Variants in SLCO6A1 observed in about 807,000 individuals in gnomAD.
SLCO6A1 encodes solute carrier organic anion transporter family member 6A1.
In SLCO6A1, 65 loss-of-function variants were observed where a neutral mutation model predicts 72.7. That is an observed-to-expected ratio of 0.89 (90% CI 0.73 to 1.10). SLCO6A1 has a LOEUF of 1.10. Among genes scored for constraint, SLCO6A1 ranks in the 50% least tolerant of loss-of-function variants. The probability of loss-of-function intolerance (pLI) is 0.00; values close to 1 mark genes in which losing one functional copy is unlikely to be tolerated. For synonymous variants in SLCO6A1, 314 were observed against 298.2 expected (o/e 1.05, Z -0.55); for missense variants, 874 against 872.6 (o/e 1.00, Z -0.02).
chr5:102,391,908 AAAG>A, intron 10 of SLCO6A1, among the ~76,000 whole-genome samples: 1 of 152,284 alleles, frequency 6.6e-6, no homozygotes, highest in East Asian at 1.9e-4. Context: ...TTTGTTTAAA[AAAG>A]AAAAAAATGT....
intron 7 of SLCO6A1, among the ~76,000 whole-genome samples, chr5:102,428,824 T>C (rs1313731346): frequency 6.6e-6 from 1 of 152,216 alleles, no homozygotes; most frequent in Non-Finnish European, 1.5e-5. Flanking sequence ...AGTAATGAGA[T>C]TGCTGCATCA....
chr5:102,462,960 G>C (rs937592414), intron 4 of SLCO6A1, among the ~76,000 whole-genome samples: 5 of 152,116 alleles, frequency 3.3e-5, no homozygotes, highest in African/African-American at 9.7e-5. Context: ...CACAGCAAAA[G>C]AAATAATCAG....
chr5:102,475,305 C>T (rs1025345753), intron 4 of SLCO6A1, among the ~76,000 whole-genome samples: 2 of 151,972 alleles, frequency 1.3e-5, no homozygotes, highest in African/African-American at 4.8e-5. Flanking sequence ...ATGCATGAAA[C>T]TTCAAAATAT....
In SLCO6A1 at chr5:102,450,742, GTA is replaced by G. The variant is rs530057631; in HGVS notation, c.1131+7638_1131+7639del. ...CCACTCCAGAGAAGCACACCAATTG[GTA>G]TGATTAGCCCAGGGTGAAGCACCTG... On this transcript the variant is annotated intron_variant, in intron 6 of 13. Transcript: ENST00000506729. Among the ~76,000 whole-genome samples the G allele has an allele frequency of 8.3e-3, 1,257 of 152,326 alleles. 11 individuals carry two copies. The highest frequency in any genetic ancestry group is 0.015 in the Non-Finnish European group (1,007 of 68,024).
chr5:102,372,825 T>C (rs1480483179), intron 13 of SLCO6A1, among the ~76,000 whole-genome samples: 4 of 151,936 alleles, frequency 2.6e-5, no homozygotes, highest in Admixed American at 2.0e-4. Context: ...AGGAAACCTC[T>C]GTATGTCAAA....
intron 10 of SLCO6A1, among the ~76,000 whole-genome samples, chr5:102,391,398 T>C (rs1332248634): frequency 6.6e-6 from 1 of 152,152 alleles, no homozygotes; most frequent in African/African-American, 2.4e-5. Context: ...AGAGTTCTTT[T>C]TGCCCCTGTG....
At chr5:102,445,887 C>G (rs144215541) in intron 6 of SLCO6A1, among the ~76,000 whole-genome samples, 58 of 152,088 alleles carry the variant, frequency 3.8e-4, no homozygotes, top group African/African-American at 1.3e-3. Flanking sequence ...TAGGTGTGCA[C>G]CTTTATTTCT....
At chr5:102,415,142 A>G (rs760489217) in intron 8 of SLCO6A1, among the ~76,000 whole-genome samples, 6 of 152,228 alleles carry the variant, frequency 3.9e-5, no homozygotes, top group Admixed American at 1.3e-4. Flanking sequence ...TGCCCAAAGC[A>G]ATCTACATAT....
At chr5:102,429,083 T>A (rs562004735) in intron 7 of SLCO6A1, among the ~76,000 whole-genome samples, 1 of 152,190 alleles carries the variant, frequency 6.6e-6, no homozygotes, top group Non-Finnish European at 1.5e-5. Flanking sequence ...GTTGGCCACA[T>A]GTCTTCTTTT....
intron 10 of SLCO6A1, among the ~76,000 whole-genome samples, chr5:102,398,823 G>A (rs1158797580): frequency 6.6e-6 from 1 of 151,732 alleles, no homozygotes; most frequent in East Asian, 1.9e-4. Context: ...CTTGTCCCCC[G>A]CCTGCTTGTA....
At chr5:102,454,270 G>A (rs537643732) in intron 6 of SLCO6A1, among the ~76,000 whole-genome samples, 6 of 152,280 alleles carry the variant, frequency 3.9e-5, no homozygotes, top group African/African-American at 1.4e-4. Flanking sequence ...GGAGGGTAGG[G>A]AGGAAAGAAA....
Position 102,452,158 on chromosome 5 carries a change from T to C in SLCO6A1, c.1131+6224A>G, listed in dbSNP as rs538366293. 3.9e-5 allele frequency among the ~76,000 whole-genome samples: 6 copies of C among 152,310 alleles called. No individual in the cohort carries two copies. In the East Asian group the frequency reaches 1.2e-3, roughly 29 times the overall value. ...CACTTCCTTATTCATCTGAGTCCTA[T>C]TATGCAAATATATAGTCCCTGTAAT... On this transcript the variant is annotated intron_variant, in intron 6 of 13. Transcript: ENST00000506729.
chr5:102,496,121 G>C (rs1752899396), intron 1 of SLCO6A1, among the ~76,000 whole-genome samples: 1 of 152,178 alleles, frequency 6.6e-6, no homozygotes, highest in Non-Finnish European at 1.5e-5. Flanking sequence ...TTATGTAAGA[G>C]AGTGTCTCAC....
intron 1 of SLCO6A1, among the ~76,000 whole-genome samples, chr5:102,480,910 C>A (rs1265069804): frequency 6.6e-6 from 1 of 152,100 alleles, no homozygotes; most frequent in East Asian, 1.9e-4. Context: ...CAGTTTTTAG[C>A]CTTTTTAACA....
chr5:102,437,443 C>T (rs988496453), intron 7 of SLCO6A1, among the ~76,000 whole-genome samples: 4 of 152,084 alleles, frequency 2.6e-5, no homozygotes, highest in African/African-American at 9.7e-5. Flanking sequence ...GGAGTCAATA[C>T]TGCATGTAGC....
intron 9 of SLCO6A1, among the ~76,000 whole-genome samples, chr5:102,408,455 C>T (rs1252430270): frequency 6.6e-6 from 1 of 152,108 alleles, no homozygotes; most frequent in Non-Finnish European, 1.5e-5. Context: ...TGAAGATACT[C>T]TGTGAAACCC....
At chr5:102,429,205 CT>C (rs1313640021) in intron 7 of SLCO6A1, among the ~76,000 whole-genome samples, 1 of 152,228 alleles carries the variant, frequency 6.6e-6, no homozygotes, top group East Asian at 1.9e-4. Context: ...GATTTTAGAC[CT>C]TTGTCAGATG....
chr5:102,404,840 G>A (rs975494843), intron 9 of SLCO6A1, among the ~76,000 whole-genome samples: 24 of 152,184 alleles, frequency 1.6e-4, no homozygotes, highest in Middle Eastern at 3.4e-3. Context: ...AACTGGCATC[G>A]CAGAAATTAA....
At chr5:102,399,286 T>C (rs574705910) in intron 10 of SLCO6A1, among the ~76,000 whole-genome samples, 4 of 152,000 alleles carry the variant, frequency 2.6e-5, no homozygotes, top group East Asian at 3.9e-4. Context: ...TTTTTTCCTA[T>C]ATTTATAATG....
Sources: gnomAD v4.1 joint callset for allele counts (sites outside exome capture counted in the v4.1 genomes callset) on GRCh38, gnomAD v4.1.1 for gene constraint, MANE v1.5 for transcripts, NCBI Gene and HGNC (gene_info 2026-07-23, HGNC 2026-07-21) for gene names.